CNTNAP5: variants seen among roughly 807,000 people sequenced by gnomAD.
CNTNAP5 encodes the protein contactin associated protein family member 5.
A neutral mutation model predicts 150.2 loss-of-function variants in CNTNAP5; 72 were observed. The observed-to-expected ratio is 0.48, with a 90% CI of 0.40 to 0.58. The LOEUF is 0.58. Ranked by LOEUF, CNTNAP5 falls within the 20% of genes least tolerant of loss-of-function variation. CNTNAP5 has a pLI of 0.00. For missense variants in CNTNAP5, 1,636 were observed against 1,626.2 expected, an observed-to-expected ratio of 1.01 and a Z score of -0.10; for synonymous variants, 672 against 619.8, an observed-to-expected ratio of 1.08 and a Z score of -1.25.
intron 6 of CNTNAP5, among the ~76,000 whole-genome samples, chr2:124,449,766 A>G (rs914244189): frequency 5.3e-5 from 8 of 152,118 alleles, no homozygotes; most frequent in African/African-American, 1.4e-4. Context: ...GCTTGCTCCA[A>G]TGATTATAAA....
At chr2:124,039,077 G>C (rs867543135) in intron 1 of CNTNAP5, among the ~76,000 whole-genome samples, 1 of 152,208 alleles carries the variant, frequency 6.6e-6, no homozygotes. Flanking sequence ...ATTCATATGA[G>C]TGTCAGGGCA....
At chr2:124,679,185 C>T (rs954186243) in intron 13 of CNTNAP5, among the ~76,000 whole-genome samples, 2 of 151,776 alleles carry the variant, frequency 1.3e-5, no homozygotes, top group Admixed American at 6.7e-5. Context: ...CTGTGGTAAG[C>T]GAGATAAATA....
At chr2:124,733,474 A>C (rs1046571021) in intron 13 of CNTNAP5, among the ~76,000 whole-genome samples, 2 of 152,142 alleles carry the variant, frequency 1.3e-5, no homozygotes, top group Non-Finnish European at 2.9e-5. Flanking sequence ...CAAAATGTGG[A>C]AGGGTGGAAG....
At position 124,915,768 on chromosome 2, in the gene CNTNAP5, G is replaced by A. The variant is rs556796017; in HGVS notation, c.*1480G>A. On this transcript the variant is annotated 3_prime_UTR_variant, in exon 24 of 24. Coordinates refer to ENST00000682447, the MANE Select transcript of CNTNAP5 (RefSeq NM_001367498.1). ...ACCTTGAGCTCATCCATGGGGTGGC[G>A]GTAAAGATCTTAATGATTTTTCTGT... 2.0e-5 allele frequency among the ~76,000 whole-genome samples: 3 copies of A among 151,964 alleles called. No individual in the cohort carries two copies. The highest frequency in any genetic ancestry group is 4.4e-5 in the Non-Finnish European group (3 of 67,968).
At chr2:124,318,181 G>A (rs1052086637) in intron 3 of CNTNAP5, among the ~76,000 whole-genome samples, 9 of 152,174 alleles carry the variant, frequency 5.9e-5, no homozygotes, top group African/African-American at 1.9e-4. Flanking sequence ...CAAAACTACA[G>A]GCAGAGCATT....
chr2:124,362,924 G>T (rs1184547233), intron 3 of CNTNAP5, among the ~76,000 whole-genome samples: 1 of 152,128 alleles, frequency 6.6e-6, no homozygotes, highest in Non-Finnish European at 1.5e-5. Context: ...TAAATATGCA[G>T]TCATTGTTCT....
intron 13 of CNTNAP5, among the ~76,000 whole-genome samples, chr2:124,730,323 G>A (rs950665340): frequency 7.3e-5 from 11 of 151,580 alleles, no homozygotes; most frequent in Non-Finnish European, 1.5e-4. Context: ...AGGTGTGCGC[G>A]TGTGTGTGTG....
intron 1 of CNTNAP5, among the ~76,000 whole-genome samples, chr2:124,138,287 G>T (rs1284994112): frequency 6.6e-6 from 1 of 152,146 alleles, no homozygotes; most frequent in Non-Finnish European, 1.5e-5. Context: ...TGAGAAAAGA[G>T]GGCAGGCATA....
At chr2:124,545,085 A>T (rs1269762875) in intron 10 of CNTNAP5, among the ~76,000 whole-genome samples, 1 of 152,212 alleles carries the variant, frequency 6.6e-6, no homozygotes, top group Non-Finnish European at 1.5e-5. Flanking sequence ...TATTTCTGTT[A>T]CCCAGTTCAA....
At chr2:124,158,155 T>C (rs766292925) in intron 1 of CNTNAP5, among the ~76,000 whole-genome samples, 7 of 152,200 alleles carry the variant, frequency 4.6e-5, no homozygotes, top group Non-Finnish European at 1.0e-4. Context: ...TTTTCTTTTC[T>C]GGTTAAGCCA....
chr2:124,472,034 T>C (rs1176081650), intron 6 of CNTNAP5, among the ~76,000 whole-genome samples: 2 of 152,084 alleles, frequency 1.3e-5, no homozygotes, highest in Non-Finnish European at 2.9e-5. Flanking sequence ...GCCATTCATA[T>C]GATAAAATAT....
chr2:124,755,001 G>T (rs912905064), intron 14 of CNTNAP5, among the ~76,000 whole-genome samples: 1 of 151,854 alleles, frequency 6.6e-6, no homozygotes, highest in Admixed American at 6.6e-5. Flanking sequence ...CCAAAATATC[G>T]CATCATTACT....
intron 13 of CNTNAP5, among the ~76,000 whole-genome samples, chr2:124,710,184 G>C (rs958998450): frequency 6.6e-6 from 1 of 152,080 alleles, no homozygotes; most frequent in Non-Finnish European, 1.5e-5. Context: ...GTGGGAATGT[G>C]GGACCCAGTG....
intron 21 of CNTNAP5, among the ~76,000 whole-genome samples, chr2:124,887,394 C>G (rs1678102533): frequency 6.6e-6 from 1 of 151,900 alleles, no homozygotes; most frequent in African/African-American, 2.4e-5. Context: ...ACTCCTATTC[C>G]TGATTTTAGG....
chr2:124,474,729 A>AC lies in CNTNAP5; in HGVS notation c.919-6dup. On this transcript the variant is annotated splice_polypyrimidine_tract_variant and intron_variant, in intron 6 of 23. Transcript: ENST00000682447. The stretch of plus-strand genomic sequence containing the variant: ...AAACTAAGAGTTTGTTTCTATTTTC[A>AC]CCCCAAAAGCTTAGTTTTGGAGGAA... 6.5e-7 allele frequency: 1 copy of AC among 1,541,232 alleles called. No homozygotes were observed. The highest frequency in any genetic ancestry group is 8.7e-7 in the Non-Finnish European group (1 of 1,150,594).
chr2:124,626,941 C>T (rs2105003942), intron 12 of CNTNAP5, among the ~76,000 whole-genome samples: 1 of 152,284 alleles, frequency 6.6e-6, no homozygotes, highest in South Asian at 2.1e-4. Context: ...GAGATTTGGA[C>T]TGAGCAGAAT....
intron 3 of CNTNAP5, among the ~76,000 whole-genome samples, chr2:124,313,857 C>A (rs939606570): frequency 6.6e-6 from 1 of 152,200 alleles, no homozygotes; most frequent in Non-Finnish European, 1.5e-5. Context: ...GTTTTCCATT[C>A]AATTGGTGGT....
intron 1 of CNTNAP5, among the ~76,000 whole-genome samples, chr2:124,118,821 T>C (rs1410959653): frequency 6.6e-6 from 1 of 152,208 alleles, no homozygotes; most frequent in African/African-American, 2.4e-5. Flanking sequence ...ATTTGTATTT[T>C]AGACAGTTCA....
chr2:124,031,874 C>A (rs1464857512), intron 1 of CNTNAP5, among the ~76,000 whole-genome samples: 1 of 152,072 alleles, frequency 6.6e-6, no homozygotes, highest in Non-Finnish European at 1.5e-5. Context: ...AAGCCTACAC[C>A]ATTACCCTGA....
Sources: gnomAD v4.1 joint callset for allele counts (sites outside exome capture counted in the v4.1 genomes callset) on GRCh38, gnomAD v4.1.1 for gene constraint, MANE v1.5 for transcripts, NCBI Gene and HGNC (gene_info 2026-07-23, HGNC 2026-07-21) for gene names.